The following SHC1 variants were observed in gnomAD, a reference collection of about 807,000 sequenced individuals.
SHC1 encodes SHC adaptor protein 1, also known as SHC-transforming protein 1.
SHC1 carries 30 observed loss-of-function variants against 55.9 expected under a neutral mutation model. That is an observed-to-expected ratio of 0.54 (90% CI 0.40 to 0.73). SHC1 has a LOEUF of 0.73. SHC1 is among the 30% of genes least tolerant of loss of function. The pLI, the probability that SHC1 is intolerant of heterozygous loss-of-function variation, is 0.00. For missense variants in SHC1, 675 were observed against 777.1 expected, an observed-to-expected ratio of 0.87 and a Z score of 1.56; for synonymous variants, 309 against 306.1, an observed-to-expected ratio of 1.01 and a Z score of -0.10.
In SHC1 at chr1:154,966,445, G is replaced by A. The variant is rs1030879240; in HGVS notation, c.1056C>T (p.Asp352=). ...EEPPDHQYYN[D]FPGKEPPLGG... ...CCAAGGGGGGTTCCTTCCCCGGGAA[G>A]TCATTATAGTACTGATGGTCAGGTG... The change falls in exon 8 of 12, where the codon GAC becomes GAT. Residue 352 remains aspartate (D), a synonymous_variant. Transcript: ENST00000448116. 6 of 1,612,970 alleles carry A rather than the reference G, an allele frequency of 3.7e-6. No homozygotes were observed. Among genetic ancestry groups the A allele is most frequent in the Non-Finnish European group, 4.2e-6 (5 of 1,179,534 alleles).
At chr1:154,971,697 G>A (rs1351950727), upstream of SHC1, among the ~76,000 whole-genome samples, 1 of 152,216 alleles carries the variant, frequency 6.6e-6, no homozygotes, top group Non-Finnish European at 1.5e-5. Context: ...CTGGCTGGAG[G>A]AGGTGGAAGA....
chr1:154,968,357 C>T, intron 4 of SHC1, 100 bp from the exon 5 acceptor site: 2 of 1,543,404 alleles, frequency 1.3e-6, no homozygotes, highest in Non-Finnish European at 9.0e-7. Flanking sequence ...CTCTGGGTTC[C>T]TTATCCCATA....
At chr1:154,969,284 C>CCAG in intron 2 of SHC1, 94 bp downstream of exon 2, 4 of 824,024 alleles carry the variant, frequency 4.9e-6, no homozygotes, top group Admixed American at 4.0e-5. Context: ...AGATCAGCCC[C>CCAG]CAGCAGCAGC....
At chr1:154,972,425 C>G (rs1656836971), upstream of SHC1, among the ~76,000 whole-genome samples, 1 of 152,144 alleles carries the variant, frequency 6.6e-6, no homozygotes, top group African/African-American at 2.4e-5. Context: ...AGAGCTTTGT[C>G]ACTCTGCCAG....
Position 154,963,565 on chromosome 1 carries a change from A to AG in SHC1, c.*237dup. 1 of 443,272 alleles carries AG rather than the reference A, an allele frequency of 2.3e-6. No individual in the cohort carries two copies. Among genetic ancestry groups the AG allele is most frequent in the Non-Finnish European group, 4.1e-6 (1 of 241,898 alleles). 27.5% of individuals were successfully genotyped at this position (443,272 alleles called of 1,614,324 possible). ...GGTTGGCACAGGAAAGGCCCAGGTG[A>AG]GGGGCCACTCTGTACATTAATACTT... is the stretch of plus-strand genomic sequence containing the variant. On this transcript the variant is annotated 3_prime_UTR_variant, in exon 12 of 12. Transcript: ENST00000448116.
intron 11 of SHC1, chr1:154,964,478 A>T (rs889495301): frequency 1.2e-4 from 42 of 356,060 alleles, no homozygotes; most frequent in South Asian, 2.2e-4. Context: ...AGATTACTGT[A>T]GAAAACAAAC....
chr1:154,969,600 T>G, intron 1 of SHC1, 152 bp from the exon 2 acceptor site: 1 of 625,696 alleles, frequency 1.6e-6, no homozygotes, highest in Non-Finnish European at 2.9e-6. Context: ...ACAACCAAGG[T>G]GAAAGACAAC....
intron 4 of SHC1, 111 bp downstream of exon 4, chr1:154,968,384 C>T (rs1292741038): frequency 7.1e-6 from 11 of 1,550,450 alleles, no homozygotes; most frequent in Non-Finnish European, 9.8e-6. Context: ...TTTCCTCCTT[C>T]CCTACTGGTC....
rs11552300 is a variant in SHC1 at position 154,966,478 on chromosome 1, C to T, written c.1023G>A (p.Glu341=). The change falls in exon 8 of 12, where the codon GAG becomes GAA. Residue 341 remains glutamate, a synonymous_variant. Coordinates refer to ENST00000448116, the MANE Select transcript of SHC1 (RefSeq NM_001130040.2). ...AGTACTGATGGTCAGGTGGCTCTTC[C>T]TCCTCCTCATCCCATGCTGAGCCAT... ...GFDGSAWDEE[E]EEPPDHQYYN... is the part of the protein sequence containing the mutation. The T allele has an allele frequency of 0.031, 49,804 of 1,608,420 alleles. 856 individuals carry two copies. The highest frequency in any genetic ancestry group is 0.035 in the Non-Finnish European group (41,145 of 1,176,598).
rs1131397 is a variant in SHC1, at chr1:154,965,759, G to C, written c.1410C>G (p.Arg470=). 90,359 of 1,613,172 alleles carry C rather than the reference G, an allele frequency of 0.056. 9,806 individuals are homozygous for C. The highest frequency in any genetic ancestry group is 0.48 in the African/African-American group (35,609 of 74,896). ...ACACCGACTGGGGAGGTGGAGGCAC[G>C]CGAAGAGCATCTTCGAAGGGCTCTG... ...FDMKPFEDAL[R]VPPPPQSVSM... is the part of the protein sequence containing the mutation. The change falls in exon 11 of 12, where the codon CGC becomes CGG. Residue 470 remains arginine (R), a synonymous_variant. Transcript: ENST00000448116.
Position 154,967,807 on chromosome 1 carries a change from C to T in SHC1, c.857-10G>A, listed in dbSNP as rs1250180592. ...TCCAGAATGTGGCAGGCTGAGGGCACAGCAGAGGCTGTCAGTGAGCTGAGC... is the reference window on the plus strand; with the variant it reads ...TCCAGAATGTGGCAGGCTGAGGGCATAGCAGAGGCTGTCAGTGAGCTGAGC... On this transcript the variant is annotated splice_polypyrimidine_tract_variant and intron_variant, in intron 6 of 11. Coordinates refer to ENST00000448116, the MANE Select transcript of SHC1 (RefSeq NM_001130040.2). 2.5e-6 allele frequency: 4 copies of T among 1,613,650 alleles called. No homozygotes were observed. Among genetic ancestry groups the T allele is most frequent in the Non-Finnish European group, 3.4e-6 (4 of 1,179,650 alleles).
chr1:154,970,158 C>A lies in SHC1; in HGVS notation c.369G>T (p.Arg123=). 6.2e-7 allele frequency: 1 copy of A among 1,613,508 alleles called. No homozygotes were observed. The highest frequency in any genetic ancestry group is 8.5e-7 in the Non-Finnish European group (1 of 1,179,920). Residue 123 remains arginine (R), a synonymous_variant, in exon 1 of 12, where the codon CGG becomes CGT. Coordinates refer to ENST00000448116, the MANE Select transcript of SHC1 (RefSeq NM_001130040.2). This position sits in a 1 kb window ranked among gnomAD's most constrained non-coding sequence, Gnocchi z 5.5. ...KLSGGGGRRT[R]VEGGQLGGEE... ...CGCCCCCAAGCTGGCCCCCTTCCAC[C>A]CGAGTCCTGCGCCCGCCGCCTCCAC...
At chr1:154,967,027 C>G (rs1656079096) in intron 7 of SHC1, among the ~76,000 whole-genome samples, 1 of 152,180 alleles carries the variant, frequency 6.6e-6, no homozygotes, top group Admixed American at 6.5e-5. Context: ...GAGGATCACT[C>G]AAGCCCAGGA....
chr1:154,972,177 G>A (rs962708798), upstream of SHC1, among the ~76,000 whole-genome samples: 14 of 151,704 alleles, frequency 9.2e-5, no homozygotes, highest in South Asian at 2.1e-4. Context: ...CCCAGGAGGC[G>A]GAGGTTGCAG....
At position 154,962,683 on chromosome 1, in the gene SHC1, C is replaced by G. The variant is rs1276648445; in HGVS notation, c.*1120G>C. 2 of 152,510 alleles carry G rather than the reference C, an allele frequency of 1.3e-5. No individual in the cohort carries two copies. Among genetic ancestry groups the G allele is most frequent in the African/African-American group, 4.8e-5 (2 of 41,412 alleles). The allele number at this position is 152,510 out of a possible 1,614,324, so 9.4% of individuals were successfully genotyped here. On this transcript the variant is annotated 3_prime_UTR_variant, in exon 12 of 12. Coordinates refer to ENST00000448116, the MANE Select transcript of SHC1 (RefSeq NM_001130040.2). ...TCACAGGCCTAGGCGAGGAAAATGC[C>G]AAGAGCTGTAAAAGGGCTTGGAAAA...
chr1:154,972,631 G>A (rs969664326), upstream of SHC1, among the ~76,000 whole-genome samples: 2 of 152,172 alleles, frequency 1.3e-5, no homozygotes, highest in African/African-American at 2.4e-5. Flanking sequence ...GGGTGTGGGC[G>A]TTCGGAAGAA....
intron 11 of SHC1, among the ~76,000 whole-genome samples, chr1:154,964,674 C>G (rs1655719504): frequency 6.6e-6 from 1 of 152,132 alleles, no homozygotes; most frequent in African/African-American, 2.4e-5. Flanking sequence ...CTATGTTGCC[C>G]AGGCTGGTCT....
Position 154,967,995 on chromosome 1 carries a change from G to T in SHC1, c.841C>A (p.Pro281Thr). The T allele has an allele frequency of 6.2e-7, 1 of 1,614,144 alleles. No individual in the cohort carries two copies. The highest frequency in any genetic ancestry group is 8.5e-7 in the Non-Finnish European group (1 of 1,180,012). Residue 281 changes from proline (P) to threonine (T), a missense_variant, in exon 6 of 12, where the codon CCT becomes ACT. Pro to Thr is a conservative substitution (Grantham distance 38, BLOSUM62 -1). Coordinates refer to ENST00000448116, the MANE Select transcript of SHC1 (RefSeq NM_001130040.2). Reference sequence around the variant, plus strand: ...CATGCCTCACCTCTCTGATTCACAGGGTCTTTGGCAACATAGGCGACATAC... The same window carrying T: ...CATGCCTCACCTCTCTGATTCACAGTGTCTTTGGCAACATAGGCGACATAC... ...AEYVAYVAKD[P>T]VNQRACHILE... is the part of the protein sequence containing the mutation.
rs1307588429 is a variant in SHC1, at chr1:154,966,043, G to A, written c.1290C>T (p.Asn430=). Residue 430 remains asparagine (N), a synonymous_variant, in exon 10 of 12, where the codon AAC becomes AAT. Coordinates refer to ENST00000448116, the MANE Select transcript of SHC1 (RefSeq NM_001130040.2). ...GCCGGGCCTTGTCTAGGTTCTGGAC[G>A]TTGACATAGGAGGGATCATCAAAAA... ...RELFDDPSYV[N]VQNLDKARQA... 4.3e-6 allele frequency: 7 copies of A among 1,614,064 alleles called. No individual in the cohort carries two copies. Among genetic ancestry groups the A allele is most frequent in the Non-Finnish European group, 4.2e-6 (5 of 1,179,996 alleles).
Sources: allele counts gnomAD v4.1 joint callset (sites outside exome capture counted in the v4.1 genomes callset), GRCh38; gene constraint gnomAD v4.1.1; non-coding constraint Gnocchi (gnomAD v3.1); transcripts MANE v1.5; gene names NCBI Gene and HGNC (gene_info 2026-07-23, HGNC 2026-07-21).